The following AGBL4 variants were observed in gnomAD, a reference collection of about 807,000 sequenced individuals.
AGBL4 encodes the protein AGBL carboxypeptidase 4.
A neutral mutation model predicts 66.4 loss-of-function variants in AGBL4; 58 were observed. That is an observed-to-expected ratio of 0.87 (90% CI 0.71 to 1.09). AGBL4 has a LOEUF of 1.09. Among genes scored for constraint, AGBL4 ranks in the 50% least tolerant of loss-of-function variants. The pLI is 0.00. For synonymous variants in AGBL4, 234 were observed against 222.9 expected (o/e 1.05, Z -0.44); for missense variants, 579 against 631.0 (o/e 0.92, Z 0.88).
intron 6 of AGBL4, among the ~76,000 whole-genome samples, chr1:48,821,437 T>C (rs1646310973): frequency 6.6e-6 from 1 of 152,166 alleles, no homozygotes; most frequent in Admixed American, 6.5e-5. Flanking sequence ...ATCATGTCCT[T>C]TGCAGCAACA....
intron 6 of AGBL4, among the ~76,000 whole-genome samples, chr1:48,833,836 A>T (rs1646614809): frequency 6.6e-6 from 1 of 152,194 alleles, no homozygotes; most frequent in Non-Finnish European, 1.5e-5. Context: ...TGTTCCTCAA[A>T]AAAGGGGAAG....
intron 5 of AGBL4, among the ~76,000 whole-genome samples, chr1:48,966,368 T>C (rs1271157431): frequency 1.3e-5 from 2 of 152,150 alleles, no homozygotes; most frequent in Admixed American, 1.3e-4. Context: ...CTTATGTAGT[T>C]CTGCTAATGA....
intron 4 of AGBL4, among the ~76,000 whole-genome samples, chr1:49,113,729 T>C (rs1468963930): frequency 6.6e-6 from 1 of 152,214 alleles, no homozygotes; most frequent in Non-Finnish European, 1.5e-5. Context: ...AGTTGCAAAA[T>C]GGATGTAGCG....
At chr1:48,527,402 C>G in the AGBL4 span, among the ~76,000 whole-genome samples, 1 of 151,900 alleles carries the variant, frequency 6.6e-6, no homozygotes, top group Admixed American at 6.6e-5. Context: ...CAGGACAATC[C>G]TGGCCAACAT....
intron 3 of AGBL4, among the ~76,000 whole-genome samples, chr1:49,529,030 A>G (rs1434902699): frequency 6.6e-6 from 1 of 152,110 alleles, no homozygotes; most frequent in Admixed American, 6.5e-5. Context: ...CCAAAAAGTT[A>G]TAAGATCAGA....
chr1:48,839,238 C>T (rs1314419421), intron 6 of AGBL4, among the ~76,000 whole-genome samples: 1 of 152,048 alleles, frequency 6.6e-6, no homozygotes, highest in Non-Finnish European at 1.5e-5. Flanking sequence ...CATCTTATTG[C>T]AGCACTATTC....
At chr1:49,332,079 G>A (rs1480141608) in intron 3 of AGBL4, among the ~76,000 whole-genome samples, 1 of 152,214 alleles carries the variant, frequency 6.6e-6, no homozygotes, top group Non-Finnish European at 1.5e-5. Flanking sequence ...CAAGGAAAGA[G>A]GGAGGCTAGT....
At chr1:49,317,413 G>A (rs1645059629) in intron 3 of AGBL4, among the ~76,000 whole-genome samples, 1 of 151,810 alleles carries the variant, frequency 6.6e-6, no homozygotes, top group Non-Finnish European at 1.5e-5. Context: ...ATACATGCCT[G>A]CTCCAGAATA....
At chr1:48,718,908 C>G (rs773471850) in intron 6 of AGBL4, among the ~76,000 whole-genome samples, 6 of 152,178 alleles carry the variant, frequency 3.9e-5, no homozygotes, top group Non-Finnish European at 8.8e-5. Context: ...TGTTAGTGAG[C>G]TCCGACTACA....
chr1:49,707,388 T>TGC (rs1647288547), intron 2 of AGBL4, among the ~76,000 whole-genome samples: 1 of 102,850 alleles, frequency 9.7e-6, no homozygotes, highest in African/African-American at 3.9e-5. Context: ...TTTTTTTTTT[T>TGC]GCTTATCATT....
chr1:49,880,106 A>C (rs1442436338), intron 1 of AGBL4, among the ~76,000 whole-genome samples: 1 of 151,848 alleles, frequency 6.6e-6, no homozygotes, highest in Non-Finnish European at 1.5e-5. Flanking sequence ...TTTGGTTTGA[A>C]TGTCCTCCCG....
chr1:49,207,813 C>T (rs889543531), intron 4 of AGBL4, among the ~76,000 whole-genome samples: 8 of 151,722 alleles, frequency 5.3e-5, no homozygotes, highest in African/African-American at 1.9e-4. Context: ...GTTTTAAACT[C>T]CTGGGCTTAA....
At chr1:49,409,764 G>A (rs994320329) in intron 3 of AGBL4, among the ~76,000 whole-genome samples, 2 of 151,996 alleles carry the variant, frequency 1.3e-5, no homozygotes, top group Admixed American at 6.6e-5. Flanking sequence ...AAATCAATAC[G>A]TGCTACTTTA....
At chr1:49,109,648 T>C (rs932544566) in intron 4 of AGBL4, among the ~76,000 whole-genome samples, 6 of 152,204 alleles carry the variant, frequency 3.9e-5, no homozygotes, top group Admixed American at 1.3e-4. Context: ...AATTTTATTG[T>C]TGTTGTGAAT....
At chr1:48,946,691 T>C (rs1656540071) in intron 5 of AGBL4, among the ~76,000 whole-genome samples, 1 of 152,156 alleles carries the variant, frequency 6.6e-6, no homozygotes, top group Non-Finnish European at 1.5e-5. Context: ...CAAAGATAAA[T>C]GACACTCATT....
intron 5 of AGBL4, among the ~76,000 whole-genome samples, chr1:48,985,076 C>CA (rs994400845): frequency 3.5e-4 from 53 of 151,770 alleles, no homozygotes; most frequent in Admixed American, 8.5e-4. Flanking sequence ...AAAAACAAAC[C>CA]AAAAAAACAG....
intron 3 of AGBL4, among the ~76,000 whole-genome samples, chr1:49,387,022 T>C (rs1644749494): frequency 6.6e-6 from 1 of 151,960 alleles, no homozygotes; most frequent in Non-Finnish European, 1.5e-5. Flanking sequence ...GATTATTAAA[T>C]TAAACTTTTT....
chr1:49,186,298 A>G (rs992724420), intron 4 of AGBL4, among the ~76,000 whole-genome samples: 10 of 152,160 alleles, frequency 6.6e-5, no homozygotes, highest in Admixed American at 2.6e-4. Context: ...GGCCAATCTC[A>G]AATATGCCCT....
At chr1:48,717,241 A>T (rs1275527294) in intron 6 of AGBL4, among the ~76,000 whole-genome samples, 1 of 152,150 alleles carries the variant, frequency 6.6e-6, no homozygotes, top group Non-Finnish European at 1.5e-5. Flanking sequence ...ACTCTTCCCC[A>T]CACCACTCCT....
Sources: gnomAD v4.1 joint callset for allele counts (sites outside exome capture counted in the v4.1 genomes callset) on GRCh38, gnomAD v4.1.1 for gene constraint, MANE v1.5 for transcripts, NCBI Gene and HGNC (gene_info 2026-07-23, HGNC 2026-07-21) for gene names.